Variants in ABCB1 observed in about 807,000 individuals in gnomAD.
ABCB1 encodes the protein ATP binding cassette subfamily B member 1, also known as ATP-dependent translocase ABCB1.
A neutral mutation model predicts 142.0 loss-of-function variants in ABCB1; 69 were observed. The observed-to-expected ratio is 0.49, with a 90% CI of 0.40 to 0.59. The LOEUF (loss-of-function observed/expected upper bound fraction) is 0.59, where lower values mean the gene tolerates loss of function less well. ABCB1 is among the 20% of genes least tolerant of loss of function. The probability of loss-of-function intolerance (pLI) is 0.00; values close to 1 mark genes in which losing one functional copy is unlikely to be tolerated. For missense variants in ABCB1, 1,326 were observed against 1,554.7 expected, an observed-to-expected ratio of 0.85 and a Z score of 2.47; for synonymous variants, 532 against 539.2, an observed-to-expected ratio of 0.99 and a Z score of 0.18.
chr7:87,569,269 G>T (rs1027516267), intron 5 of ABCB1, among the ~76,000 whole-genome samples: 2 of 147,952 alleles, frequency 1.4e-5, no homozygotes, highest in Admixed American at 1.4e-4. Context: ...GGAATCGAAG[G>T]TCGCAGTGAG....
chr7:87,586,227 C>G (rs1272115998), intron 3 of ABCB1, among the ~76,000 whole-genome samples: 2 of 152,098 alleles, frequency 1.3e-5, no homozygotes, highest in Non-Finnish European at 2.9e-5. Flanking sequence ...GCATGCTTGT[C>G]AAGGAACATT....
chr7:87,550,880 G>A (rs202013565), intron 9 of ABCB1, 42 bp from the exon 10 acceptor site: 125 of 1,311,778 alleles, frequency 9.5e-5, no homozygotes, highest in Non-Finnish European at 8.4e-5. Flanking sequence ...CTGAGATAGT[G>A]ACAGCAATTT....
intron 1 of ABCB1, among the ~76,000 whole-genome samples, chr7:87,655,263 T>G (rs1168943051): frequency 9.2e-5 from 14 of 152,284 alleles, no homozygotes; most frequent in Non-Finnish European, 2.1e-4. Context: ...AAGAGTTATC[T>G]CTACTCCCAT....
intron 8 of ABCB1, among the ~76,000 whole-genome samples, chr7:87,556,403 T>C (rs1406483117): frequency 6.6e-6 from 1 of 152,230 alleles, no homozygotes; most frequent in African/African-American, 2.4e-5. Flanking sequence ...TTATTTTAAC[T>C]TCTGGTTAAA....
chr7:87,519,109 A>G, intron 23 of ABCB1: 1 of 593,884 alleles, frequency 1.7e-6, no homozygotes, highest in Non-Finnish European at 3.0e-6. Flanking sequence ...AAGGTCAACT[A>G]TGTGTGAGCC....
chr7:87,659,448 A>G (rs1371073398), intron 1 of ABCB1, among the ~76,000 whole-genome samples: 1 of 152,034 alleles, frequency 6.6e-6, no homozygotes, highest in Non-Finnish European at 1.5e-5. Flanking sequence ...TCCAGTGTGA[A>G]GTTTAAAAAT....
chr7:87,520,983 A>G, intron 21 of ABCB1, 107 bp from the exon 22 acceptor site: 1 of 829,776 alleles, frequency 1.2e-6, no homozygotes, highest in Non-Finnish European at 2.0e-6. Context: ...TTACATATTT[A>G]TTATTATGTA....
intron 1 of ABCB1, chr7:87,700,299 G>A (rs559015281): frequency 1.4e-6 from 1 of 723,674 alleles, no homozygotes; most frequent in African/African-American, 1.8e-5. Flanking sequence ...TAGATTGGTG[G>A]TGCCCTTGCC....
At chr7:87,639,279 G>A (rs1050682699) in intron 1 of ABCB1, among the ~76,000 whole-genome samples, 3 of 151,764 alleles carry the variant, frequency 2.0e-5, no homozygotes, top group African/African-American at 7.3e-5. Context: ...GAAAGATTTT[G>A]AGCTTTTGAA....
intron 1 of ABCB1, among the ~76,000 whole-genome samples, chr7:87,699,121 A>G (rs758554892): frequency 6.6e-6 from 1 of 152,140 alleles, no homozygotes; most frequent in Non-Finnish European, 1.5e-5. Flanking sequence ...TATCTCAGAC[A>G]TTGGTCCTAA....
intron 4 of ABCB1, among the ~76,000 whole-genome samples, chr7:87,577,270 T>C (rs1818307437): frequency 6.6e-6 from 1 of 152,194 alleles, no homozygotes; most frequent in South Asian, 2.1e-4. Flanking sequence ...GGATGAATAG[T>C]ACTCCATTGT....
intron 4 of ABCB1, among the ~76,000 whole-genome samples, chr7:87,580,524 A>C (rs1818463075): frequency 6.6e-6 from 1 of 152,024 alleles, no homozygotes; most frequent in South Asian, 2.1e-4. Context: ...AAATATCTTG[A>C]GGTAGTCTTA....
intron 20 of ABCB1, among the ~76,000 whole-genome samples, chr7:87,536,247 A>C (rs987908997): frequency 3.3e-5 from 5 of 152,226 alleles, no homozygotes; most frequent in African/African-American, 1.2e-4. Flanking sequence ...GCAATAGCAA[A>C]TGGTTTATAA....
At chr7:87,693,964 CTA>C in intron 1 of ABCB1, 4 of 1,611,554 alleles carry the variant, frequency 2.5e-6, no homozygotes, top group Non-Finnish European at 3.4e-6. Flanking sequence ...TCAAGGTACT[CTA>C]TGCTGGTGAT....
At chr7:87,521,782 A>G (rs1198719255) in intron 21 of ABCB1, 5 of 804,760 alleles carry the variant, frequency 6.2e-6, no homozygotes, top group African/African-American at 3.3e-5. Flanking sequence ...TGTGAAAAAG[A>G]TATTTGTTGG....
intron 1 of ABCB1, among the ~76,000 whole-genome samples, chr7:87,701,681 C>T (rs1286948747): frequency 6.6e-6 from 1 of 152,124 alleles, no homozygotes; most frequent in African/African-American, 2.4e-5. Flanking sequence ...AAAATATCTA[C>T]ACTTATCTGA....
chr7:87,630,513 C>T (rs1821108108), intron 1 of ABCB1, among the ~76,000 whole-genome samples: 1 of 151,972 alleles, frequency 6.6e-6, no homozygotes, highest in Non-Finnish European at 1.5e-5. Flanking sequence ...GTAAATGGAA[C>T]CATAAGCAAG....
chr7:87,706,378 A>T (rs1419784825), intron 1 of ABCB1, among the ~76,000 whole-genome samples: 1 of 152,180 alleles, frequency 6.6e-6, no homozygotes, highest in Middle Eastern at 3.2e-3. Flanking sequence ...AGGGAGGAGT[A>T]GAAGCAGAGA....
intron 1 of ABCB1, among the ~76,000 whole-genome samples, chr7:87,692,539 G>A (rs1354545196): frequency 1.3e-5 from 2 of 152,142 alleles, no homozygotes; most frequent in Non-Finnish European, 2.9e-5. Flanking sequence ...TAAGGGGTTG[G>A]TTAAGAAGTG....
Sources: allele counts gnomAD v4.1 joint callset (sites outside exome capture counted in the v4.1 genomes callset), GRCh38; gene constraint gnomAD v4.1.1; transcripts MANE v1.5; gene names NCBI Gene and HGNC (gene_info 2026-07-23, HGNC 2026-07-21).